Variants in PDE4D observed in about 807,000 individuals in gnomAD.
The protein encoded by PDE4D is phosphodiesterase 4D.
In PDE4D, 24 loss-of-function variants were observed where a neutral mutation model predicts 87.4. That is an observed-to-expected ratio of 0.27 (90% CI 0.20 to 0.39). The LOEUF (loss-of-function observed/expected upper bound fraction) is 0.39, where lower values mean the gene tolerates loss of function less well. Among genes scored for constraint, PDE4D ranks in the 10% least tolerant of loss-of-function variants. The pLI, the probability that PDE4D is intolerant of heterozygous loss-of-function variation, is 1.00. For missense variants in PDE4D, 714 were observed against 1,041.0 expected, an observed-to-expected ratio of 0.69 and a Z score of 4.32; for synonymous variants, 384 against 383.2, an observed-to-expected ratio of 1.00 and a Z score of -0.02.
chr5:60,124,975 C>T (rs1779002480), intron 2 of PDE4D, among the ~76,000 whole-genome samples: 2 of 152,184 alleles, frequency 1.3e-5, no homozygotes, highest in South Asian at 2.1e-4. Context: ...TTTCCTCACT[C>T]TAGGTTGTAT....
chr5:59,649,227 T>C (rs1279517500), intron 1 of PDE4D, among the ~76,000 whole-genome samples: 1 of 152,202 alleles, frequency 6.6e-6, no homozygotes, highest in Non-Finnish European at 1.5e-5. Context: ...TTTACTGCCT[T>C]GGTGAATTTT....
chr5:60,063,510 G>C (rs773748773), intron 2 of PDE4D, among the ~76,000 whole-genome samples: 9 of 152,074 alleles, frequency 5.9e-5, no homozygotes, highest in Non-Finnish European at 1.2e-4. Flanking sequence ...GGCTTTCCTT[G>C]CTTGTTCCTG....
At chr5:59,761,533 G>A (rs1308113690) in intron 1 of PDE4D, among the ~76,000 whole-genome samples, 1 of 151,852 alleles carries the variant, frequency 6.6e-6, no homozygotes. Flanking sequence ...TATTCTATAA[G>A]CTTTTATTTT....
At chr5:59,439,326 C>G in intron 1 of PDE4D, among the ~76,000 whole-genome samples, 1 of 148,402 alleles carries the variant, frequency 6.7e-6, no homozygotes, top group East Asian at 2.0e-4. Context: ...TGCCACTGCA[C>G]TCCAACCTGG....
At chr5:60,224,027 A>G (rs2149604285) in intron 1 of PDE4D, among the ~76,000 whole-genome samples, 1 of 152,184 alleles carries the variant, frequency 6.6e-6, no homozygotes, top group South Asian at 2.1e-4. Flanking sequence ...GTACAACTCC[A>G]ATGATACCAA....
At chr5:59,051,120 C>T (rs1284944055) in intron 5 of PDE4D, among the ~76,000 whole-genome samples, 5 of 152,192 alleles carry the variant, frequency 3.3e-5, no homozygotes, top group Non-Finnish European at 7.3e-5. Context: ...GCCTGTAATC[C>T]CAGCACTCTG....
rs188000086 is a variant in PDE4D, at chr5:60,063,059, G to T, written c.43-74342C>A. ...TAAGAAACCTGCATGTTCTGTATAT[G>T]TATCCCAAAACTTAAAGAAGAAAGA... On this transcript the variant is annotated intron_variant, in intron 2 of 16. Coordinates refer to the PDE4D transcript ENST00000502484. Among the ~76,000 whole-genome samples the T allele has an allele frequency of 4.9e-3, 680 of 140,108 alleles. 9 individuals are homozygous for T. Among genetic ancestry groups the T allele is most frequent in the Non-Finnish European group, 5.7e-3 (377 of 66,254 alleles). 91.9% of individuals were successfully genotyped at this position (140,108 alleles called of 152,430 possible).
In PDE4D at chr5:60,189,618, A is replaced by G. The variant is rs1231012276; in HGVS notation, c.-89-3931T>C. Among the ~76,000 whole-genome samples the G allele has an allele frequency of 2.0e-5, 3 of 152,238 alleles. No individual in the cohort carries two copies. The East Asian group carries it at 5.8e-4, about 29-fold the overall frequency. On this transcript the variant is annotated intron_variant, in intron 1 of 16. Coordinates refer to the PDE4D transcript ENST00000502484. ...ATATGAGTGAAAAGGGATTCCAATC[A>G]TCCACAAAATATTAGAGAAGCTACT...
chr5:59,505,482 G>A (rs1012376696), intron 1 of PDE4D, among the ~76,000 whole-genome samples: 6 of 152,266 alleles, frequency 3.9e-5, no homozygotes, highest in South Asian at 2.1e-4. Flanking sequence ...GGGAAAGCAG[G>A]TTTTCTACAC....
intron 2 of PDE4D, among the ~76,000 whole-genome samples, chr5:59,212,358 G>T (rs966500239): frequency 2.0e-5 from 3 of 152,002 alleles, no homozygotes; most frequent in Non-Finnish European, 4.4e-5. Flanking sequence ...TCTAGGAGTT[G>T]GTATCAAAGG....
At chr5:59,648,650 A>C (rs1742868182) in intron 1 of PDE4D, among the ~76,000 whole-genome samples, 1 of 152,156 alleles carries the variant, frequency 6.6e-6, no homozygotes, top group African/African-American at 2.4e-5. Context: ...TCAGAGGTGC[A>C]GAAAGACAAG....
intron 1 of PDE4D, among the ~76,000 whole-genome samples, chr5:60,387,539 CA>C (rs1762274212): frequency 6.6e-6 from 1 of 152,220 alleles, no homozygotes; most frequent in South Asian, 2.1e-4. Flanking sequence ...ACATGGGTGA[CA>C]GGGGCAGAGA....
intron 2 of PDE4D, among the ~76,000 whole-genome samples, chr5:60,124,935 T>C (rs1778999942): frequency 6.6e-6 from 1 of 152,186 alleles, no homozygotes; most frequent in Admixed American, 6.5e-5. Context: ...CATTCCTTTG[T>C]AAAACACTAT....
intron 2 of PDE4D, among the ~76,000 whole-genome samples, chr5:59,194,156 C>A (rs1561673521): frequency 6.6e-6 from 1 of 152,122 alleles, no homozygotes; most frequent in South Asian, 2.1e-4. Context: ...GGTATGGGAG[C>A]AAGGTGTCAG....
At chr5:60,228,477 T>C (rs1745396738) in intron 1 of PDE4D, among the ~76,000 whole-genome samples, 1 of 150,474 alleles carries the variant, frequency 6.6e-6, no homozygotes, top group Non-Finnish European at 1.5e-5. Flanking sequence ...CAATAAATGA[T>C]CATGCAGGAG....
At chr5:59,918,735 C>T (rs1754346220) in intron 3 of PDE4D, among the ~76,000 whole-genome samples, 2 of 152,062 alleles carry the variant, frequency 1.3e-5, no homozygotes, top group South Asian at 4.2e-4. Flanking sequence ...CAAGAAGTTG[C>T]GACCGTCAGT....
At chr5:60,384,284 T>G (rs1762058143) in intron 1 of PDE4D, among the ~76,000 whole-genome samples, 1 of 152,202 alleles carries the variant, frequency 6.6e-6, no homozygotes, top group Admixed American at 6.5e-5. Context: ...ACGCAAATCA[T>G]GCCACCCTAT....
intron 3 of PDE4D, among the ~76,000 whole-genome samples, chr5:59,979,711 G>T (rs541804854): frequency 6.6e-6 from 1 of 152,160 alleles, no homozygotes; most frequent in African/African-American, 2.4e-5. Flanking sequence ...ATCTAAAAGT[G>T]CCCGGCTCCA....
Position 60,068,239 on chromosome 5 carries a change from T to C in PDE4D, c.43-79522A>G, listed in dbSNP as rs567870891. 1.6e-4 allele frequency among the ~76,000 whole-genome samples: 25 copies of C among 151,996 alleles called. No homozygotes were observed. In the South Asian group the frequency reaches 4.6e-3, roughly 28 times the overall value. ...CCTCGTCAACACTTGCTATTTTCTG[T>C]TTTTTTTAACAGTAGCCATTCTACT... On this transcript the variant is annotated intron_variant, in intron 2 of 16. Coordinates refer to the PDE4D transcript ENST00000502484.
Sources: allele counts gnomAD v4.1 joint callset (sites outside exome capture counted in the v4.1 genomes callset), GRCh38; gene constraint gnomAD v4.1.1; transcripts MANE v1.5; gene names NCBI Gene and HGNC (gene_info 2026-07-23, HGNC 2026-07-21).